Variants in KIF21A observed in about 807,000 individuals in gnomAD.
KIF21A encodes kinesin-like protein KIF21A.
KIF21A carries 114 observed loss-of-function variants against 202.9 expected under a neutral mutation model. The ratio of observed to expected loss-of-function variants is 0.56; its 90% CI spans 0.48 to 0.66. The LOEUF is 0.66. Among genes scored for constraint, KIF21A ranks in the 30% least tolerant of loss-of-function variants. The probability of loss-of-function intolerance (pLI) is 0.00; values close to 1 mark genes in which losing one functional copy is unlikely to be tolerated. For missense variants in KIF21A, 1,677 were observed against 1,994.9 expected, an observed-to-expected ratio of 0.84 and a Z score of 3.04; for synonymous variants, 667 against 670.8, an observed-to-expected ratio of 0.99 and a Z score of 0.09.
intron 24 of KIF21A, among the ~76,000 whole-genome samples, chr12:39,327,611 A>G (rs1483921762): frequency 6.6e-6 from 1 of 152,188 alleles, no homozygotes; most frequent in East Asian, 1.9e-4. Flanking sequence ...CTTCGTAAAA[A>G]GCTCTTAACT....
chr12:39,436,448 A>ATATATATTTT (rs1387332677), intron 1 of KIF21A, among the ~76,000 whole-genome samples: 1 of 95,762 alleles, frequency 1.0e-5, no homozygotes, highest in African/African-American at 5.1e-5. Context: ...ATATATATAT[A>ATATATATTTT]TTTTTTTTTT....
chr12:39,377,837 C>A (rs1481217795), intron 1 of KIF21A, among the ~76,000 whole-genome samples: 1 of 152,060 alleles, frequency 6.6e-6, no homozygotes, highest in Non-Finnish European at 1.5e-5. Context: ...AAGAAAAGAA[C>A]CTGTTTTTAA....
chr12:39,403,395 T>C (rs974355872), intron 1 of KIF21A, among the ~76,000 whole-genome samples: 2 of 152,250 alleles, frequency 1.3e-5, no homozygotes, highest in African/African-American at 2.4e-5. Context: ...TACATTTGTA[T>C]ATACATGTGA....
intron 3 of KIF21A, among the ~76,000 whole-genome samples, chr12:39,368,900 A>T (rs1253326533): frequency 6.6e-6 from 1 of 152,182 alleles, no homozygotes; most frequent in Non-Finnish European, 1.5e-5. Context: ...AAAGTGCAAT[A>T]TTGCTCAAAT....
chr12:39,387,632 A>G (rs73086887), intron 1 of KIF21A, among the ~76,000 whole-genome samples: 1,663 of 152,124 alleles, frequency 0.011, 38 homozygotes, highest in African/African-American at 0.036. Context: ...CCCCACCCCT[A>G]CTTATACAAT....
intron 37 of KIF21A, among the ~76,000 whole-genome samples, chr12:39,300,126 T>G (rs2137092048): frequency 6.6e-6 from 1 of 151,568 alleles, no homozygotes; most frequent in South Asian, 2.1e-4. Flanking sequence ...AAAAGAAAAA[T>G]TTTAGCTCTT....
chr12:39,302,939 T>C (rs764391113), intron 36 of KIF21A, 26 bp downstream of exon 36: 18 of 1,603,626 alleles, frequency 1.1e-5, no homozygotes, highest in East Asian at 2.2e-5. Flanking sequence ...ATGCCCACTC[T>C]ATACCATGAA....
chr12:39,337,304 A>T, intron 16 of KIF21A, 101 bp from the exon 17 acceptor site: 1 of 758,660 alleles, frequency 1.3e-6, no homozygotes, highest in Admixed American at 1.9e-5. Context: ...CTGAATACTT[A>T]ACATGGAAAC....
intron 24 of KIF21A, among the ~76,000 whole-genome samples, chr12:39,329,357 C>T (rs944358164): frequency 2.0e-5 from 3 of 151,976 alleles, no homozygotes; most frequent in Non-Finnish European, 2.9e-5. Flanking sequence ...TTCTTCTGCA[C>T]ATAAAGACAT....
chr12:39,393,035 G>T (rs1309935655), intron 1 of KIF21A, among the ~76,000 whole-genome samples: 1 of 149,888 alleles, frequency 6.7e-6, no homozygotes, highest in African/African-American at 2.5e-5. Flanking sequence ...CATTTTAAAA[G>T]AAAATGTTTC....
chr12:39,299,623 A>C (rs1942770343), intron 37 of KIF21A, among the ~76,000 whole-genome samples: 1 of 152,160 alleles, frequency 6.6e-6, no homozygotes, highest in African/African-American at 2.4e-5. Context: ...AGGAATATAA[A>C]TCATTCTACC....
chr12:39,306,823 C>G (rs1392305015), intron 34 of KIF21A, among the ~76,000 whole-genome samples: 1 of 152,130 alleles, frequency 6.6e-6, no homozygotes, highest in African/African-American at 2.4e-5. Flanking sequence ...GAGTTCAAGA[C>G]CAGCAACATT....
chr12:39,299,466 G>A (rs1219708367), intron 37 of KIF21A, among the ~76,000 whole-genome samples: 2 of 152,070 alleles, frequency 1.3e-5, no homozygotes, highest in Non-Finnish European at 2.9e-5. Flanking sequence ...ATGTCAACAA[G>A]GTTGTGGAAA....
At chr12:39,366,869 T>C (rs1271596345) in intron 5 of KIF21A, among the ~76,000 whole-genome samples, 161 bp downstream of exon 5, 1 of 152,186 alleles carries the variant, frequency 6.6e-6, no homozygotes, top group African/African-American at 2.4e-5. Flanking sequence ...TTCAAAATCT[T>C]ACATGGCTGA....
chr12:39,346,459 T>C lies in KIF21A; in HGVS notation c.1712+7A>G. Reference sequence around the variant, plus strand: ...ATTTTAATAAAAAACCTGGGAAATATTCCAACCTTCTTTCTTCTCGATTGC... The same window carrying C: ...ATTTTAATAAAAAACCTGGGAAATACTCCAACCTTCTTTCTTCTCGATTGC... On this transcript the variant is annotated splice_region_variant and intron_variant, in intron 12 of 37. Transcript: ENST00000361418. The C allele has an allele frequency of 6.8e-7, 1 of 1,468,892 alleles. No individual in the cohort carries two copies. 91.0% of individuals were successfully genotyped at this position (1,468,892 alleles called of 1,614,324 possible). A position where few individuals can be genotyped will look rare whatever the true frequency, so the allele number is the denominator to read the frequency against.
intron 10 of KIF21A, among the ~76,000 whole-genome samples, chr12:39,354,323 G>T (rs1948613158): frequency 1.3e-5 from 2 of 152,040 alleles, no homozygotes; most frequent in Admixed American, 6.6e-5. Flanking sequence ...GCTTTTCAAA[G>T]AATAGATAGC....
At chr12:39,334,200 C>CAAAAAAAA (rs576176350) in intron 17 of KIF21A, among the ~76,000 whole-genome samples, 77 of 62,714 alleles carry the variant, frequency 1.2e-3, no homozygotes, top group East Asian at 2.5e-3. Flanking sequence ...GACTCCATCT[C>CAAAAAAAA]AAAAAAAAAA....
At chr12:39,327,288 A>G (rs1946048070) in intron 24 of KIF21A, among the ~76,000 whole-genome samples, 1 of 152,144 alleles carries the variant, frequency 6.6e-6, no homozygotes, top group South Asian at 2.1e-4. Flanking sequence ...CTCATTGTTC[A>G]GTAATACTTG....
chr12:39,372,513 C>G (rs919319979), intron 1 of KIF21A, among the ~76,000 whole-genome samples: 2 of 152,112 alleles, frequency 1.3e-5, no homozygotes, highest in Non-Finnish European at 2.9e-5. Context: ...TGGTGGAAAA[C>G]TATAATTTCC....
Sources: allele counts gnomAD v4.1 joint callset (sites outside exome capture counted in the v4.1 genomes callset), GRCh38; gene constraint gnomAD v4.1.1; transcripts MANE v1.5; gene names NCBI Gene and HGNC (gene_info 2026-07-23, HGNC 2026-07-21).